The following SH3RF3 variants were observed in gnomAD, a reference collection of about 807,000 sequenced individuals.
SH3RF3 encodes E3 ubiquitin-protein ligase SH3RF3.
A neutral mutation model predicts 66.3 loss-of-function variants in SH3RF3; 29 were observed. The ratio of observed to expected loss-of-function variants is 0.44; its 90% CI spans 0.33 to 0.60. The LOEUF (loss-of-function observed/expected upper bound fraction) is 0.60, where lower values mean the gene tolerates loss of function less well. Ranked by LOEUF, SH3RF3 falls within the 20% of genes least tolerant of loss-of-function variation. The pLI is 0.04. For missense variants in SH3RF3, 1,194 were observed against 1,190.9 expected (o/e 1.00, Z -0.04); for synonymous variants, 583 against 532.0 (o/e 1.10, Z -1.32).
At position 109,241,768 on chromosome 2, in the gene SH3RF3, A is replaced by AT. The variant is rs201056229; in HGVS notation, c.574-105891dup. The stretch of plus-strand genomic sequence containing the variant: ...GCGTGTTTCCCTAGTGTCTTGAATA[A>AT]TTTTTTTTTTTTTTTGAGATGGAGT... On this transcript the variant is annotated intron_variant, in intron 1 of 9. Coordinates refer to ENST00000309415, the MANE Select transcript of SH3RF3 (RefSeq NM_001099289.3). Among the ~76,000 whole-genome samples, 822 of 143,426 alleles carry AT rather than the reference A, an allele frequency of 5.7e-3. 6 individuals carry two copies. Among genetic ancestry groups the AT allele is most frequent in the East Asian group, 0.036 (176 of 4,886 alleles). The allele number at this position is 143,426 out of a possible 152,430, so 94.1% of individuals were successfully genotyped here. A position where few individuals can be genotyped will look rare whatever the true frequency, so the allele number is the denominator to read the frequency against.
intron 1 of SH3RF3, among the ~76,000 whole-genome samples, chr2:109,229,280 A>T (rs1679443725): frequency 6.6e-6 from 1 of 152,198 alleles, no homozygotes; most frequent in African/African-American, 2.4e-5. Flanking sequence ...AGTATGAGGA[A>T]TTCTGACATA....
intron 1 of SH3RF3, among the ~76,000 whole-genome samples, chr2:109,183,156 A>G (rs972528963): frequency 1.3e-5 from 2 of 152,238 alleles, no homozygotes; most frequent in African/African-American, 4.8e-5. Context: ...TCCAAAACTG[A>G]CCCAGAATTG....
At chr2:109,437,168 C>A (rs775325705) in intron 7 of SH3RF3, 22 bp downstream of exon 7, 3 of 1,589,630 alleles carry the variant, frequency 1.9e-6, no homozygotes, top group Non-Finnish European at 8.6e-7. Context: ...GGGGCCTCAC[C>A]CTGCAGGGCA....
intron 1 of SH3RF3, among the ~76,000 whole-genome samples, chr2:109,243,176 G>T (rs1679828819): frequency 6.6e-6 from 1 of 152,240 alleles, no homozygotes; most frequent in Non-Finnish European, 1.5e-5. Flanking sequence ...AAGGGCTGAG[G>T]AAAGCTTCTT....
intron 9 of SH3RF3, among the ~76,000 whole-genome samples, chr2:109,496,483 G>T (rs909027782): frequency 1.3e-5 from 2 of 152,150 alleles, no homozygotes; most frequent in Admixed American, 1.3e-4. Flanking sequence ...CTTTCACTAT[G>T]ACCTCTCTAA....
At chr2:109,198,803 C>G in intron 1 of SH3RF3, among the ~76,000 whole-genome samples, 1 of 152,242 alleles carries the variant, frequency 6.6e-6, no homozygotes, top group East Asian at 1.9e-4. Flanking sequence ...CTTTGACATA[C>G]CTAGGCTACG....
At chr2:109,287,106 A>T (rs779884530) in intron 1 of SH3RF3, among the ~76,000 whole-genome samples, 1 of 152,190 alleles carries the variant, frequency 6.6e-6, no homozygotes, top group Non-Finnish European at 1.5e-5. Context: ...TGACATACAG[A>T]TGACAGCCAT....
chr2:109,493,871 C>T (rs986544088), intron 9 of SH3RF3, among the ~76,000 whole-genome samples: 1 of 152,134 alleles, frequency 6.6e-6, no homozygotes, highest in African/African-American at 2.4e-5. Context: ...TTCAGACACA[C>T]AACACACACC....
intron 1 of SH3RF3, among the ~76,000 whole-genome samples, chr2:109,165,866 G>A (rs1489250341): frequency 6.6e-6 from 1 of 152,240 alleles, no homozygotes; most frequent in African/African-American, 2.4e-5. Context: ...TGCTCTACGT[G>A]TGCCCAGGCT....
At chr2:109,199,618 G>GAACCCGTGT (rs1558953989) in intron 1 of SH3RF3, among the ~76,000 whole-genome samples, 1 of 234 alleles carries the variant, frequency 4.3e-3, no homozygotes, top group Non-Finnish European at 9.1e-3. Flanking sequence ...GGAATGGAAT[G>GAACCCGTGT]GAATGGAATG....
At chr2:109,256,224 C>A (rs991797481) in intron 1 of SH3RF3, among the ~76,000 whole-genome samples, 1 of 152,204 alleles carries the variant, frequency 6.6e-6, no homozygotes. Context: ...GAAGACCCCA[C>A]AGTTGGAGAG....
chr2:109,323,121 C>A (rs969560873), intron 1 of SH3RF3, among the ~76,000 whole-genome samples: 1 of 152,170 alleles, frequency 6.6e-6, no homozygotes, highest in African/African-American at 2.4e-5. Flanking sequence ...GGGCTCCCAG[C>A]ATATGCTCCA....
At chr2:109,325,241 C>T (rs943773541) in intron 1 of SH3RF3, among the ~76,000 whole-genome samples, 5 of 150,486 alleles carry the variant, frequency 3.3e-5, no homozygotes, top group African/African-American at 4.9e-5. Context: ...CAAAGTGAGT[C>T]GGTTTACACA....
intron 7 of SH3RF3, among the ~76,000 whole-genome samples, chr2:109,445,534 A>G (rs1677680691): frequency 6.6e-6 from 1 of 152,240 alleles, no homozygotes; most frequent in South Asian, 2.1e-4. Context: ...AAAAATGGGA[A>G]AAGGAGGTAC....
chr2:109,376,488 G>T (rs189327305), intron 3 of SH3RF3, among the ~76,000 whole-genome samples: 5 of 152,132 alleles, frequency 3.3e-5, no homozygotes, highest in Non-Finnish European at 7.3e-5. Context: ...AGTGATTCTC[G>T]TCTGCGAGGA....
chr2:109,145,695 C>G (rs765202080), intron 1 of SH3RF3, among the ~76,000 whole-genome samples: 3 of 152,192 alleles, frequency 2.0e-5, no homozygotes, highest in Non-Finnish European at 4.4e-5. Flanking sequence ...TTTTACAGGT[C>G]TTGGGTGTTC....
intron 8 of SH3RF3, among the ~76,000 whole-genome samples, chr2:109,489,013 G>A (rs1011194634): frequency 2.0e-5 from 3 of 152,228 alleles, no homozygotes; most frequent in African/African-American, 7.2e-5. Flanking sequence ...CCTGAAAGCA[G>A]GAACAGCTGA....
intron 9 of SH3RF3, among the ~76,000 whole-genome samples, chr2:109,496,847 G>A (rs536359282): frequency 1.1e-4 from 16 of 152,294 alleles, no homozygotes; most frequent in Admixed American, 2.0e-4. Context: ...GAGATTACCC[G>A]GGATTATCCA....
At chr2:109,381,312 T>A (rs1675660861) in intron 3 of SH3RF3, among the ~76,000 whole-genome samples, 1 of 152,182 alleles carries the variant, frequency 6.6e-6, no homozygotes, top group Non-Finnish European at 1.5e-5. Flanking sequence ...GCTCCAGCTG[T>A]TTTTCTGCTT....
Sources: allele counts gnomAD v4.1 joint callset (sites outside exome capture counted in the v4.1 genomes callset), GRCh38; gene constraint gnomAD v4.1.1; transcripts MANE v1.5; gene names NCBI Gene and HGNC (gene_info 2026-07-23, HGNC 2026-07-21).